The following SENP7 variants were observed in gnomAD, a reference collection of about 807,000 sequenced individuals.
SENP7 encodes SUMO specific peptidase 7.
In SENP7, 64 loss-of-function variants were observed where a neutral mutation model predicts 141.2. The observed-to-expected ratio is 0.45, with a 90% CI of 0.37 to 0.56. The LOEUF is 0.56. SENP7 is among the 20% of genes least tolerant of loss of function. The pLI is 0.00. For synonymous variants in SENP7, 382 were observed against 426.4 expected, an observed-to-expected ratio of 0.90 and a Z score of 1.28; for missense variants, 1,025 against 1,212.2, an observed-to-expected ratio of 0.85 and a Z score of 2.29.
chr3:101,433,980 A>ACG (rs2107731151), intron 4 of SENP7, among the ~76,000 whole-genome samples: 1 of 16,530 alleles, frequency 6.0e-5, no homozygotes, highest in African/African-American at 5.0e-4. Context: ...GCTGCAGAAT[A>ACG]CATTCTTTTC....
chr3:101,431,165 G>T (rs1466134804), intron 4 of SENP7, among the ~76,000 whole-genome samples: 1 of 152,130 alleles, frequency 6.6e-6, no homozygotes, highest in Non-Finnish European at 1.5e-5. Context: ...TGTTGATTTG[G>T]GGTGAAGAGT....
chr3:101,415,564 A>G (rs1281800419), intron 5 of SENP7, among the ~76,000 whole-genome samples: 1 of 152,238 alleles, frequency 6.6e-6, no homozygotes, highest in Non-Finnish European at 1.5e-5. Context: ...TTTTTATAGA[A>G]CAGATAGAAT....
At chr3:101,471,039 A>G (rs1365457731) in intron 3 of SENP7, among the ~76,000 whole-genome samples, 3 of 152,242 alleles carry the variant, frequency 2.0e-5, no homozygotes, top group Non-Finnish European at 4.4e-5. Flanking sequence ...ATGCTCATGG[A>G]TAGGGAGAAT....
chr3:101,416,560 A>G (rs996200781), intron 5 of SENP7, among the ~76,000 whole-genome samples: 3 of 152,372 alleles, frequency 2.0e-5, no homozygotes, highest in Admixed American at 2.0e-4. Flanking sequence ...AAGCTGCTTC[A>G]TAAATTACTG....
intron 2 of SENP7, among the ~76,000 whole-genome samples, chr3:101,499,377 G>T (rs1185375108): frequency 1.3e-5 from 2 of 151,872 alleles, no homozygotes; most frequent in Non-Finnish European, 2.9e-5. Context: ...GTTTTTTTAG[G>T]GGGCAGCGGG....
chr3:101,331,129 G>C (rs765709614), intron 19 of SENP7, among the ~76,000 whole-genome samples: 1 of 151,892 alleles, frequency 6.6e-6, no homozygotes, highest in Non-Finnish European at 1.5e-5. Flanking sequence ...TTTTAAAATG[G>C]TATAATACTA....
intron 17 of SENP7, among the ~76,000 whole-genome samples, chr3:101,336,410 C>A (rs1480869760): frequency 6.6e-6 from 1 of 152,022 alleles, no homozygotes; most frequent in African/African-American, 2.4e-5. Context: ...CAATCTAGTA[C>A]AATAAAAACT....
chr3:101,407,339 G>C (rs2061334448), intron 5 of SENP7, among the ~76,000 whole-genome samples: 1 of 151,330 alleles, frequency 6.6e-6, no homozygotes, highest in South Asian at 2.1e-4. Flanking sequence ...GTAATAGTAG[G>C]GGACTTCAAT....
At chr3:101,473,793 T>C (rs2064108209) in intron 3 of SENP7, among the ~76,000 whole-genome samples, 1 of 152,202 alleles carries the variant, frequency 6.6e-6, no homozygotes, top group South Asian at 2.1e-4. Flanking sequence ...GGTATCTTTA[T>C]CATGAAATCT....
At chr3:101,463,382 T>TATATATATATATACACAC (rs1438717906) in intron 3 of SENP7, among the ~76,000 whole-genome samples, 1 of 89,926 alleles carries the variant, frequency 1.1e-5, no homozygotes, top group Non-Finnish European at 2.1e-5. Context: ...TATATATATA[T>TATATATATATATACACAC]ATATATATAT....
chr3:101,350,757 T>A (rs998669320), intron 12 of SENP7, among the ~76,000 whole-genome samples: 1 of 152,016 alleles, frequency 6.6e-6, no homozygotes, highest in Admixed American at 6.6e-5. Context: ...TAAAATCACA[T>A]GACTTTTTTT....
chr3:101,438,480 A>G (rs936650056), intron 4 of SENP7, among the ~76,000 whole-genome samples: 2 of 152,162 alleles, frequency 1.3e-5, no homozygotes, highest in Admixed American at 1.3e-4. Flanking sequence ...GGAAAGTATT[A>G]TGGAGATTGA....
At position 101,493,899 on chromosome 3, in the gene SENP7, A is replaced by G; in HGVS notation, c.160T>C (p.Ser54Pro). Reference sequence around the variant, plus strand: ...TGCAAAGGGAGAGTCCAGCGTTCTGAGCTTCTGAATTTGGACAGTGGTGAT... The same window carrying G: ...TGCAAAGGGAGAGTCCAGCGTTCTGGGCTTCTGAATTTGGACAGTGGTGAT... ...VQSPLSKFRS[S>P]ERWTLPLQWE... Residue 54 changes from serine to proline, a missense_variant, in exon 3 of 24, where the codon TCA becomes CCA. By Grantham distance (74) the Ser-to-Pro change is moderately conservative. Transcript: ENST00000394095. 7 of 1,607,584 alleles carry G rather than the reference A, an allele frequency of 4.4e-6. No individual in the cohort carries two copies. Among genetic ancestry groups the G allele is most frequent in the Non-Finnish European group, 6.0e-6 (7 of 1,175,160 alleles).
At chr3:101,401,475 G>A (rs1221928262) in intron 5 of SENP7, among the ~76,000 whole-genome samples, 6 of 150,418 alleles carry the variant, frequency 4.0e-5, no homozygotes, top group Admixed American at 6.7e-5. Flanking sequence ...GTTGCAGTGA[G>A]CCAAGATACT....
chr3:101,424,331 G>A (rs1013759700), intron 4 of SENP7, among the ~76,000 whole-genome samples: 6 of 133,288 alleles, frequency 4.5e-5, no homozygotes, highest in African/African-American at 8.9e-5. Flanking sequence ...ATCCCCGCAC[G>A]TTGCTTTGCT....
chr3:101,383,669 C>T (rs776190291), intron 6 of SENP7, among the ~76,000 whole-genome samples: 6 of 152,218 alleles, frequency 3.9e-5, no homozygotes, highest in Non-Finnish European at 7.3e-5. Flanking sequence ...CTCGGGTACA[C>T]GCCAGCCCCC....
chr3:101,463,265 C>T (rs1292408467), intron 3 of SENP7, among the ~76,000 whole-genome samples: 3 of 151,224 alleles, frequency 2.0e-5, no homozygotes, highest in Non-Finnish European at 4.4e-5. Flanking sequence ...AGGAGGATCA[C>T]TTGAGCCTAG....
At position 101,436,219 on chromosome 3, in the gene SENP7, T is replaced by C. The variant is rs151158152; in HGVS notation, c.285-18429A>G. Among the ~76,000 whole-genome samples the C allele has an allele frequency of 1.3e-4, 20 of 152,216 alleles. 1 individual carries two copies. The highest frequency in any genetic ancestry group is 4.8e-4 in the African/African-American group (20 of 41,550). On this transcript the variant is annotated intron_variant, in intron 4 of 23. Transcript: ENST00000394095. ...TGATCCTGGGAAAACTGAATATTGA[T>C]AGGCAAAACAATAAACTAGACCCCT...
At chr3:101,479,727 C>T (rs1379438323) in intron 3 of SENP7, among the ~76,000 whole-genome samples, 4 of 149,140 alleles carry the variant, frequency 2.7e-5, no homozygotes, top group African/African-American at 9.9e-5. Context: ...ATCACCTGAG[C>T]CCAGAAAGTG....
Sources: allele counts gnomAD v4.1 joint callset (sites outside exome capture counted in the v4.1 genomes callset), GRCh38; gene constraint gnomAD v4.1.1; transcripts MANE v1.5; gene names NCBI Gene and HGNC (gene_info 2026-07-23, HGNC 2026-07-21).